The following MRNIP variants were observed in gnomAD, a reference collection of about 807,000 sequenced individuals.
MRNIP encodes the protein MRN complex-interacting protein.
In MRNIP, 30 loss-of-function variants were observed where a neutral mutation model predicts 29.8. The ratio of observed to expected loss-of-function variants is 1.01; its 90% CI spans 0.75 to 1.36. The LOEUF is 1.36. MRNIP is among the 40% of genes most tolerant of loss of function. The pLI is 0.00. For missense variants in MRNIP, 459 were observed against 423.5 expected (o/e 1.08, Z -0.74); for synonymous variants, 201 against 164.1 (o/e 1.23, Z -1.72).
chr5:179,840,770 G>A lies in MRNIP; in HGVS notation c.537+102C>T. ...ACCCGGGTGGGAAGATGGGCTTTCTGCGGGTAGGAATCGCACACTTCGTCA... is the reference window on the plus strand; with the variant it reads ...ACCCGGGTGGGAAGATGGGCTTTCTACGGGTAGGAATCGCACACTTCGTCA... On this transcript the variant is annotated intron_variant, in intron 6 of 6. Coordinates refer to ENST00000292586, the MANE Select transcript of MRNIP (RefSeq NM_016175.4). 4 of 888,968 alleles carry A rather than the reference G, an allele frequency of 4.5e-6. No individual in the cohort carries two copies. In the South Asian group the frequency reaches 5.8e-5, roughly 13 times the overall value. The allele number at this position is 888,968 out of a possible 1,614,324, so 55.1% of individuals were successfully genotyped here.
At chr5:179,838,160 A>C in intron 6 of MRNIP, 2 of 524,218 alleles carry the variant, frequency 3.8e-6, no homozygotes, top group Non-Finnish European at 3.4e-6. Flanking sequence ...TGGGGACCTT[A>C]GAATCAGGTT....
At chr5:179,852,555 G>T (rs1582055493) in intron 2 of MRNIP, among the ~76,000 whole-genome samples, 1 of 152,180 alleles carries the variant, frequency 6.6e-6, no homozygotes, top group Non-Finnish European at 1.5e-5. Flanking sequence ...TACAGCCTTA[G>T]ATGGACAATC....
intron 1 of MRNIP, among the ~76,000 whole-genome samples, chr5:179,856,363 G>A (rs1759580495): frequency 6.6e-6 from 1 of 152,196 alleles, no homozygotes; most frequent in African/African-American, 2.4e-5. Context: ...TGGGAATGAT[G>A]CCTAAGTCAA....
In MRNIP at chr5:179,853,473, T is replaced by A. The variant is rs764569064; in HGVS notation, c.67-36A>T. 24 of 1,559,648 alleles carry A rather than the reference T, an allele frequency of 1.5e-5. 1 individual carries two copies. The Admixed American group carries it at 4.0e-4, about 26-fold the overall frequency. The stretch of plus-strand genomic sequence containing the variant: ...ATTTCAGAAATACAACTCAGATAAT[T>A]ATTTAAAACAAAATGGAATTGGGCT... On this transcript the variant is annotated intron_variant, in intron 1 of 6. Transcript: ENST00000292586.
chr5:179,842,536 A>G (rs138653880), intron 4 of MRNIP, among the ~76,000 whole-genome samples: 2 of 149,550 alleles, frequency 1.3e-5, no homozygotes, highest in African/African-American at 5.0e-5. Flanking sequence ...ACAACAACAA[A>G]AAAAAAACAA....
rs112379609 is a variant in MRNIP at position 179,846,483 on chromosome 5, G to A, written c.215+1495C>T. On this transcript the variant is annotated intron_variant, in intron 3 of 6. Transcript: ENST00000292586. ...TTTTTAGTAGAGACGGGATTTCATC[G>A]TATTGGCCAGGATGGTCTCGATCTC... is the stretch of plus-strand genomic sequence containing the variant. Among the ~76,000 whole-genome samples, 756 of 151,966 alleles carry A rather than the reference G, an allele frequency of 5.0e-3. 4 individuals carry two copies. The highest frequency in any genetic ancestry group is 0.014 in the Middle Eastern group (4 of 294).
At chr5:179,838,209 G>A (rs898490701) in intron 6 of MRNIP, 6 of 389,124 alleles carry the variant, frequency 1.5e-5, no homozygotes, top group Admixed American at 1.2e-4. Context: ...GAAGGGCCTC[G>A]AGACATCGGG....
intron 1 of MRNIP, among the ~76,000 whole-genome samples, chr5:179,857,123 G>C (rs1582061152): frequency 6.6e-6 from 1 of 151,912 alleles, no homozygotes; most frequent in African/African-American, 2.4e-5. Flanking sequence ...AATAACACTG[G>C]TGAACATGGA....
Position 179,842,001 on chromosome 5 carries a change from C to G in MRNIP, c.355G>C (p.Glu119Gln). The G allele has an allele frequency of 1.9e-6, 3 of 1,614,136 alleles. No homozygotes were observed. Among genetic ancestry groups the G allele is most frequent in the East Asian group, 4.5e-5 (2 of 44,872 alleles). Residue 119 changes from glutamate to glutamine, a missense_variant, in exon 5 of 7, where the codon GAG (glutamate) becomes CAG (glutamine). By Grantham distance (29) the Glu-to-Gln change is conservative (BLOSUM62 2). Transcript: ENST00000292586. ...KYLEKDSQEL[E>Q]LEGTGVCFSK... ...AAACACACTCCTGTTCCTTCCAGCT[C>G]CAGTTCTTGGGAGTCCTTTTCTAGA...
At position 179,844,417 on chromosome 5, in the gene MRNIP, T is replaced by C. The variant is rs531253082; in HGVS notation, c.216-190A>G. ...CAGCTACTCAGGAGGCTGAGGCAGA[T>C]AATGTTTGAACCCGGAAGGCAGAGG... On this transcript the variant is annotated intron_variant, in intron 3 of 6. Coordinates refer to ENST00000292586, the MANE Select transcript of MRNIP (RefSeq NM_016175.4). 22 of 506,664 alleles carry C rather than the reference T, an allele frequency of 4.3e-5. No individual in the cohort carries two copies. In the South Asian group the frequency reaches 4.8e-4, roughly 11 times the overall value. 31.4% of individuals were successfully genotyped at this position (506,664 alleles called of 1,614,324 possible).
intron 4 of MRNIP, among the ~76,000 whole-genome samples, chr5:179,843,081 G>GGGAGGGAGGCAGGCAA (rs1554093140): frequency 6.8e-6 from 1 of 146,080 alleles, no homozygotes; most frequent in Non-Finnish European, 1.5e-5. Context: ...GAGGGAGGGA[G>GGGAGGGAGGCAGGCAA]GCAGGCAAGC....
intron 4 of MRNIP, among the ~76,000 whole-genome samples, chr5:179,843,808 G>A (rs1193272466): frequency 6.6e-6 from 1 of 152,072 alleles, no homozygotes; most frequent in Non-Finnish European, 1.5e-5. Context: ...GGAAACCCAG[G>A]TGTTTCACCC....
chr5:179,845,787 C>T (rs758975179), intron 3 of MRNIP: 1 of 152,204 alleles, frequency 6.6e-6, no homozygotes, highest in Non-Finnish European at 1.5e-5. Flanking sequence ...TGAGCCACTG[C>T]ACCCGGCCTC....
intron 6 of MRNIP, 128 bp from the exon 7 acceptor site, chr5:179,838,013 G>A: frequency 1.2e-6 from 1 of 861,032 alleles, no homozygotes; most frequent in Non-Finnish European, 1.8e-6. Context: ...CTGTCAGGCT[G>A]GGACAGGCTT....
chr5:179,843,045 GGAAGGA>G (rs1396010468), intron 4 of MRNIP, among the ~76,000 whole-genome samples: 1 of 109,696 alleles, frequency 9.1e-6, no homozygotes, highest in Non-Finnish European at 2.0e-5. Context: ...GAGGAAAGAA[GGAAGGA>G]AGGAAGGAAG....
At chr5:179,838,689 T>G (rs1051495822) in intron 6 of MRNIP, 1 of 151,652 alleles carries the variant, frequency 6.6e-6, no homozygotes, top group African/African-American at 2.4e-5. Flanking sequence ...AAAAGAAAGT[T>G]GGGTTGTAGG....
At chr5:179,855,945 G>A (rs1640388443) in intron 1 of MRNIP, among the ~76,000 whole-genome samples, 1 of 128,274 alleles carries the variant, frequency 7.8e-6, no homozygotes, top group Non-Finnish European at 1.6e-5. Flanking sequence ...GTCTGGCTCT[G>A]TTGCCCAGGC....
chr5:179,841,996 C>T lies in MRNIP; in HGVS notation c.360G>A (p.Leu120=). 6.2e-7 allele frequency: 1 copy of T among 1,614,154 alleles called. No individual in the cohort carries two copies. Among genetic ancestry groups the T allele is most frequent in the Non-Finnish European group, 8.5e-7 (1 of 1,180,004 alleles). Residue 120 remains leucine (L), a synonymous_variant, in exon 5 of 7, where the codon CTG becomes CTA. Transcript: ENST00000292586. The part of the protein sequence containing the change: ...YLEKDSQELE[L]EGTGVCFSKQ... ...TGCTGAAACACACTCCTGTTCCTTC[C>T]AGCTCCAGTTCTTGGGAGTCCTTTT...
chr5:179,851,574 TG>T (rs1464831325), intron 2 of MRNIP: 1 of 401,666 alleles, frequency 2.5e-6, no homozygotes, highest in Non-Finnish European at 5.0e-6. Flanking sequence ...GATGAAGTTC[TG>T]CCCTTGGATT....
Sources: allele counts gnomAD v4.1 joint callset (sites outside exome capture counted in the v4.1 genomes callset), GRCh38; gene constraint gnomAD v4.1.1; transcripts MANE v1.5; gene names NCBI Gene and HGNC (gene_info 2026-07-23, HGNC 2026-07-21).